SLC17A9: variants seen among roughly 807,000 people sequenced by gnomAD.
The protein encoded by SLC17A9 is voltage-gated purine nucleotide uniporter SLC17A9.
In SLC17A9, 49 loss-of-function variants were observed where a neutral mutation model predicts 55.0. The ratio of observed to expected loss-of-function variants is 0.89; its 90% CI spans 0.71 to 1.13. SLC17A9 has a LOEUF of 1.13. SLC17A9 is among the 50% of genes most tolerant of loss of function. The pLI is 0.00. For missense variants in SLC17A9, 526 were observed against 569.3 expected (o/e 0.92, Z 0.77); for synonymous variants, 256 against 247.4 (o/e 1.03, Z -0.32).
At chr20:62,960,103 A>T (rs930232564) in intron 3 of SLC17A9, among the ~76,000 whole-genome samples, 25 of 152,252 alleles carry the variant, frequency 1.6e-4, no homozygotes, top group African/African-American at 6.0e-4. Context: ...TATCTGCATC[A>T]GTGTGAGCAC....
chr20:62,955,894 AG>A (rs2065533025), intron 1 of SLC17A9, among the ~76,000 whole-genome samples: 1 of 152,236 alleles, frequency 6.6e-6, no homozygotes, highest in Non-Finnish European at 1.5e-5. Flanking sequence ...AGTTGTCCCC[AG>A]AGTGGAACCT....
In SLC17A9 at chr20:62,957,541, T is replaced by C. The variant is rs1223383960; in HGVS notation, c.358T>C (p.Phe120Leu). 3 of 1,599,200 alleles carry C rather than the reference T, an allele frequency of 1.9e-6. No individual in the cohort carries two copies. In the Admixed American group the frequency reaches 5.3e-5, roughly 28 times the overall value. The change falls in exon 3 of 13, where the codon TTC (phenylalanine) becomes CTC (leucine). Residue 120 changes from phenylalanine (F) to leucine (L), a missense_variant. Phe to Leu is a conservative substitution (Grantham distance 22). Transcript: ENST00000370351. ...CCACCTGAGCAGTGCCCACCTGGCC[T>C]TCATGACCTTCTCACGCATCCTCAT... ...LAHLSSAHLA[F>L]MTFSRILMGL...
Position 62,964,443 on chromosome 20 carries a change from T to C in SLC17A9, c.910+128T>C, listed in dbSNP as rs554395532. On this transcript the variant is annotated intron_variant, in intron 8 of 12. Transcript: ENST00000370351. ...GAGAGCTGGGACAGAGGGGCACTTC[T>C]TTCCAGGCTCGGCCTCCTCCTTAAA... 143 of 950,734 alleles carry C rather than the reference T, an allele frequency of 1.5e-4. No individual in the cohort carries two copies. The African/African-American group carries it at 2.1e-3, about 14-fold the overall frequency. The allele number at this position is 950,734 out of a possible 1,614,324, so 58.9% of individuals were successfully genotyped here. A position where few individuals can be genotyped will look rare whatever the true frequency, so the allele number is the denominator to read the frequency against.
chr20:62,963,511 T>A, intron 6 of SLC17A9, 73 bp from the exon 7 acceptor site: 1 of 1,528,420 alleles, frequency 6.5e-7, no homozygotes, highest in South Asian at 1.2e-5. Flanking sequence ...AGGGGACGCC[T>A]CTCGGGGTGG....
intron 7 of SLC17A9, chr20:62,963,886 TG>T (rs2065611708): frequency 1.7e-6 from 1 of 603,344 alleles, no homozygotes; most frequent in Non-Finnish European, 2.9e-6. Flanking sequence ...CTGGAAATGA[TG>T]CGGGCGCTCG....
At chr20:62,955,355 C>A (rs1051460318) in intron 1 of SLC17A9, among the ~76,000 whole-genome samples, 1 of 152,064 alleles carries the variant, frequency 6.6e-6, no homozygotes, top group Non-Finnish European at 1.5e-5. Context: ...ACCATGTGGG[C>A]GAGGCTGGTC....
Position 62,962,899 on chromosome 20 carries a change from C to T in SLC17A9, c.628+145C>T, listed in dbSNP as rs1388076322. 4.1e-6 allele frequency: 5 copies of T among 1,222,114 alleles called. No homozygotes were observed. The highest frequency in any genetic ancestry group is 4.7e-5 in the Admixed American group (2 of 42,542). The allele number at this position is 1,222,114 out of a possible 1,614,324, so 75.7% of individuals were successfully genotyped here. ...AAGAATCCGCCAGTGAGGAAAAGCG[C>T]TCGGGTGCTGAGCTGTCAGCGGCTC... On this transcript the variant is annotated intron_variant, in intron 5 of 12. Coordinates refer to ENST00000370351, the MANE Select transcript of SLC17A9 (RefSeq NM_022082.4). The surrounding 1 kb of genome is among the most constrained non-coding windows in gnomAD (Gnocchi z 5.5).
At chr20:62,965,318 G>A (rs891691156) in intron 9 of SLC17A9, 152 bp downstream of exon 9, 2 of 1,077,494 alleles carry the variant, frequency 1.9e-6, no homozygotes, top group Non-Finnish European at 2.8e-6. Flanking sequence ...CCCAGAAGGG[G>A]CTGTTTAGAC....
In SLC17A9 at chr20:62,963,659, G is replaced by C. The variant is rs1287197450; in HGVS notation, c.801G>C (p.Glu267Asp). ...TCTCCTGGCTGCCCACCTTCTTCGA[G>C]GAGACCTTCCCCGACGCCAAGGTGA... ...ILLSWLPTFF[E>D]ETFPDAKGWI... Residue 267 changes from glutamate (E) to aspartate (D), a missense_variant, in exon 7 of 13, where the codon GAG (glutamate) becomes GAC (aspartate). Coordinates refer to ENST00000370351, the MANE Select transcript of SLC17A9 (RefSeq NM_022082.4). 1 of 1,600,760 alleles carries C rather than the reference G, an allele frequency of 6.2e-7. No individual in the cohort carries two copies. Among genetic ancestry groups the C allele is most frequent in the African/African-American group, 1.3e-5 (1 of 74,930 alleles).
At position 62,964,306 on chromosome 20, in the gene SLC17A9, A is replaced by G. The variant is rs756943798; in HGVS notation, c.901A>G (p.Ile301Val). Reference sequence around the variant, plus strand: ...CAGCGGGTTTCTCTCTGATCATCTCATCAATCAGGGTGAGCCCCAGGGAGG... The same window carrying G: ...CAGCGGGTTTCTCTCTGATCATCTCGTCAATCAGGGTGAGCCCCAGGGAGG... ...LFSGFLSDHL[I>V]NQGYRAITVR... The change falls in exon 8 of 13, where the codon ATC becomes GTC. Residue 301 changes from isoleucine (I) to valine (V), a missense_variant. Physicochemically the swap from Ile to Val is conservative, Grantham distance 29. Coordinates refer to ENST00000370351, the MANE Select transcript of SLC17A9 (RefSeq NM_022082.4). The G allele has an allele frequency of 6.2e-7, 1 of 1,610,144 alleles. No individual in the cohort carries two copies. Among genetic ancestry groups the G allele is most frequent in the South Asian group, 1.1e-5 (1 of 90,988 alleles).
At chr20:62,963,113 C>A in intron 5 of SLC17A9, 160 bp from the exon 6 acceptor site, 2 of 740,984 alleles carry the variant, frequency 2.7e-6, no homozygotes, top group South Asian at 1.6e-5. Context: ...TGTTAGGTGT[C>A]TGGTAGGGGA....
Position 62,952,904 on chromosome 20 carries a change from AGGGGAGGG to A in SLC17A9, c.59+20_59+27del. 1.3e-5 allele frequency: 1 copy of A among 79,374 alleles called. No homozygotes were observed. The highest frequency in any genetic ancestry group is 2.4e-5 in the Non-Finnish European group (1 of 41,516). 4.9% of individuals were successfully genotyped at this position (79,374 alleles called of 1,614,324 possible). On this transcript the variant is annotated intron_variant, in intron 1 of 12. Coordinates refer to ENST00000370351, the MANE Select transcript of SLC17A9 (RefSeq NM_022082.4). ...CAGTGGTCCAGGTGTGGCGGGGGTG[AGGGGAGGG>A]GGGGTGGGAGCGGTGGAGATGGGGC...
Position 62,966,502 on chromosome 20 carries a change from A to T in SLC17A9, c.1062-23A>T, listed in dbSNP as rs201879616. 5.1e-3 allele frequency: 8,206 copies of T among 1,612,936 alleles called. 31 individuals carry two copies. The highest frequency in any genetic ancestry group is 6.2e-3 in the Non-Finnish European group (7,281 of 1,179,446). On this transcript the variant is annotated intron_variant, in intron 10 of 12. Coordinates refer to ENST00000370351, the MANE Select transcript of SLC17A9 (RefSeq NM_022082.4). ...AGCTCGGTGGTGGCCAGGGCCACTC[A>T]CCACCCTCTTTCCTCCCCACAGTGG...
At chr20:62,957,025 CG>C in intron 2 of SLC17A9, 63 bp downstream of exon 2, 1 of 1,601,632 alleles carries the variant, frequency 6.2e-7, no homozygotes, top group Admixed American at 1.7e-5. Flanking sequence ...CCTCCAGGGG[CG>C]AGTGGGCTGG....
In SLC17A9 at chr20:62,956,760, C is replaced by A. The variant is rs370503193; in HGVS notation, c.60-5C>A. On this transcript the variant is annotated splice_region_variant and splice_polypyrimidine_tract_variant and intron_variant, in intron 1 of 12. Coordinates refer to ENST00000370351, the MANE Select transcript of SLC17A9 (RefSeq NM_022082.4). ...CCCAGGGCCTGACCATCTCCTGTCC[C>A]ACAGGCCCGAGTGCCAGGCATGGAC... The A allele has an allele frequency of 4.3e-6, 7 of 1,610,068 alleles. No homozygotes were observed. In the Admixed American group the frequency reaches 1.2e-4, roughly 27 times the overall value.
chr20:62,953,258 C>T, intron 1 of SLC17A9: 3 of 1,550,282 alleles, frequency 1.9e-6, no homozygotes, highest in Non-Finnish European at 2.6e-6. Context: ...GGCGCCAGGA[C>T]AGTCAGGAGG....
intron 12 of SLC17A9, chr20:62,966,938 C>T (rs573222511): frequency 2.4e-5 from 15 of 622,294 alleles, no homozygotes; most frequent in African/African-American, 1.7e-4. Context: ...GCTCATGAGT[C>T]GCCATCTGCC....
At position 62,958,847 on chromosome 20, in the gene SLC17A9, C is replaced by G. The variant is rs566981350; in HGVS notation, c.397+1267C>G. Reference sequence around the variant, plus strand: ...AGGAGAGAGGCCACTCTCATGGTCACGGGGTGTCACATGAGAACAAGGGCC... The same window carrying G: ...AGGAGAGAGGCCACTCTCATGGTCAGGGGGTGTCACATGAGAACAAGGGCC... On this transcript the variant is annotated intron_variant, in intron 3 of 12. Transcript: ENST00000370351. This position sits in a 1 kb window ranked among gnomAD's most constrained non-coding sequence, Gnocchi z 4.1. Among the ~76,000 whole-genome samples, 4 of 152,252 alleles carry G rather than the reference C, an allele frequency of 2.6e-5. No individual in the cohort carries two copies. The highest frequency in any genetic ancestry group is 4.8e-5 in the African/African-American group (2 of 41,542).
chr20:62,957,039 G>A, intron 2 of SLC17A9, 77 bp downstream of exon 2: 1 of 1,584,032 alleles, frequency 6.3e-7, no homozygotes, highest in Admixed American at 1.7e-5. Context: ...TGGGCTGGCT[G>A]TGCTGCTGCA....
Sources: allele counts gnomAD v4.1 joint callset (sites outside exome capture counted in the v4.1 genomes callset), GRCh38; gene constraint gnomAD v4.1.1; non-coding constraint Gnocchi (gnomAD v3.1); transcripts MANE v1.5; gene names NCBI Gene and HGNC (gene_info 2026-07-23, HGNC 2026-07-21).